SPTBN5: variants seen among roughly 807,000 people sequenced by gnomAD.
SPTBN5 encodes the protein spectrin beta chain, non-erythrocytic 5.
In SPTBN5, 513 loss-of-function variants were observed where a neutral mutation model predicts 477.6. The observed-to-expected ratio is 1.07, with a 90% CI of 1.00 to 1.16. The LOEUF (loss-of-function observed/expected upper bound fraction) is 1.16. Ranked by LOEUF, SPTBN5 falls within the 50% of genes most tolerant of loss-of-function variation. The pLI is 0.00. For synonymous variants in SPTBN5, 2,169 were observed against 2,011.7 expected, an observed-to-expected ratio of 1.08 and a Z score of -2.09; for missense variants, 5,062 against 4,731.8, an observed-to-expected ratio of 1.07 and a Z score of -2.05.
At chr15:41,886,470 C>T in intron 6 of SPTBN5, 104 bp from the exon 7 acceptor site, 1 of 1,318,280 alleles carries the variant, frequency 7.6e-7, no homozygotes, top group East Asian at 2.4e-5. Context: ...AGCTACTTCT[C>T]TGAGCCAAAG....
At chr15:41,873,754 A>G in intron 25 of SPTBN5, 91 bp downstream of exon 25, 1 of 1,548,344 alleles carries the variant, frequency 6.5e-7, no homozygotes, top group Non-Finnish European at 8.8e-7. Flanking sequence ...AGCCCCCACC[A>G]CTGATCCGCC....
Position 41,866,650 on chromosome 15 carries a change from C to T in SPTBN5, c.6481-157G>A, listed in dbSNP as rs543976152. 1.1e-4 allele frequency: 102 copies of T among 944,298 alleles called. 1 individual carries two copies. Among genetic ancestry groups the T allele is most frequent in the East Asian group, 4.9e-4 (17 of 34,584 alleles). 58.5% of individuals were successfully genotyped at this position (944,298 alleles called of 1,614,324 possible). A position where few individuals can be genotyped will look rare whatever the true frequency, so the allele number is the denominator to read the frequency against. ...TGAAGGTTCCAGCTCCGGAAGGTTG[C>T]TGCAGGAGGCAGCCGGGCAGGGCCT... On this transcript the variant is annotated intron_variant, in intron 36 of 67. Coordinates refer to ENST00000320955, the MANE Select transcript of SPTBN5 (RefSeq NM_016642.4).
At chr15:41,862,006 G>A (rs753369093) in intron 44 of SPTBN5, 83 bp from the exon 45 acceptor site, 141 of 1,531,052 alleles carry the variant, frequency 9.2e-5, no homozygotes, top group East Asian at 3.1e-4. Flanking sequence ...GCTGAGGAGC[G>A]GGAGGCTGGA....
rs2140962464 is a variant in SPTBN5, at chr15:41,883,227, T to C, written c.1661A>G (p.Glu554Gly). Residue 554 changes from glutamate to glycine, a missense_variant and splice_region_variant, in exon 9 of 68, where the codon GAG becomes GGG. Physicochemically the swap from Glu to Gly is moderately conservative, Grantham distance 98 (BLOSUM62 -2). Coordinates refer to ENST00000320955, the MANE Select transcript of SPTBN5 (RefSeq NM_016642.4). ...AASHQLEELQ[E>G]PARSTACGQQ... ...CCCACAGGCGGTGGACCTGGCCGGC[T>C]CCTGGCCAGAGATGATGGTCATTGC... 1 of 1,609,180 alleles carries C rather than the reference T, an allele frequency of 6.2e-7. No individual in the cohort carries two copies. Among genetic ancestry groups the C allele is most frequent in the South Asian group, 1.1e-5 (1 of 90,380 alleles).
In SPTBN5 at chr15:41,861,718, G is replaced by C; in HGVS notation, c.7737+17C>G. ...TCGGGGGGGCAAGATGCAGGCTGGG[G>C]ATGGGACTGTGCCTGCCTGTAGCTC... On this transcript the variant is annotated intron_variant, in intron 45 of 67. Transcript: ENST00000320955. The C allele has an allele frequency of 2.6e-6, 4 of 1,533,732 alleles. No individual in the cohort carries two copies. The highest frequency in any genetic ancestry group is 3.5e-6 in the Non-Finnish European group (4 of 1,143,034).
intron 47 of SPTBN5, 133 bp downstream of exon 47, chr15:41,860,453 C>CA: frequency 9.9e-7 from 1 of 1,005,054 alleles, no homozygotes; most frequent in South Asian, 3.8e-5. Flanking sequence ...GGACCCCCGG[C>CA]ATCTGACCTC....
chr15:41,872,618 T>C (rs1486163672), intron 26 of SPTBN5, among the ~76,000 whole-genome samples, 159 bp from the exon 27 acceptor site: 2 of 152,162 alleles, frequency 1.3e-5, no homozygotes, highest in Non-Finnish European at 2.9e-5. Flanking sequence ...CCAGCATCCA[T>C]CTACCCATTA....
chr15:41,876,575 C>T lies in SPTBN5; in HGVS notation c.3924G>A (p.Arg1308=), dbSNP rs771859015. Residue 1308 remains arginine, a synonymous_variant, in exon 20 of 68, where the codon AGG becomes AGA. Transcript: ENST00000320955. ...RLQGRSEQRR[R]QLLASLQLQE... ...GGAGCTGGAGGGAAGCCAGCAACTG[C>T]CTCCTCCTCTGCTCACTCCTCCCCT... The T allele has an allele frequency of 1.7e-5, 27 of 1,605,516 alleles. No individual in the cohort carries two copies. In the South Asian group the frequency reaches 2.6e-4, roughly 15 times the overall value.
In SPTBN5 at chr15:41,866,236, GGAGA is replaced by G. The variant is rs764005255; in HGVS notation, c.6631-11_6631-8del. On this transcript the variant is annotated splice_polypyrimidine_tract_variant and splice_region_variant and intron_variant, in intron 37 of 67. Coordinates refer to ENST00000320955, the MANE Select transcript of SPTBN5 (RefSeq NM_016642.4). ...CCAGGAGAGCCTCTCCCTTCTGGAG[GGAGA>G]GAGGGGACACAGGACATCTTGCCTG... 2.5e-6 allele frequency: 4 copies of G among 1,587,634 alleles called. No individual in the cohort carries two copies. The highest frequency in any genetic ancestry group is 3.4e-6 in the Non-Finnish European group (4 of 1,168,326).
chr15:41,880,105 C>A, intron 14 of SPTBN5, 55 bp downstream of exon 14: 2 of 1,530,356 alleles, frequency 1.3e-6, no homozygotes, highest in Non-Finnish European at 8.8e-7. Context: ...CAGCAGCAGA[C>A]CACAGGGAGG....
rs1450655191 is a variant in SPTBN5 at position 41,848,167 on chromosome 15, T to TATTA, written c.*445_*448dup. 1.9e-6 allele frequency: 1 copy of TATTA among 533,710 alleles called. No homozygotes were observed. 33.1% of individuals were successfully genotyped at this position (533,710 alleles called of 1,614,324 possible). A position where few individuals can be genotyped will look rare whatever the true frequency, so the allele number is the denominator to read the frequency against. ...AATGTGAGGCGCTGAGACCATCTGT[T>TATTA]ATTACTGCTGAGAAGGGCCATGTCA... On this transcript the variant is annotated 3_prime_UTR_variant, in exon 68 of 68. Transcript: ENST00000320955.
At chr15:41,882,514 G>T in intron 10 of SPTBN5, 45 bp from the exon 11 acceptor site, 2 of 1,572,420 alleles carry the variant, frequency 1.3e-6, no homozygotes, top group South Asian at 1.2e-5. Flanking sequence ...CAGAACAGGG[G>T]AGGGGGCCGG....
chr15:41,849,837 C>T (rs2065691446), intron 67 of SPTBN5, 32 bp downstream of exon 67: 3 of 1,529,072 alleles, frequency 2.0e-6, no homozygotes, highest in Non-Finnish European at 1.8e-6. Flanking sequence ...CCCAGGGCTC[C>T]CCGCCCTGCT....
rs748387353 is a variant in SPTBN5, at chr15:41,848,591, G to GTT, written c.*23_*24dup. On this transcript the variant is annotated 3_prime_UTR_variant, in exon 68 of 68. Transcript: ENST00000320955. ...ATGTGTCCTCGCTTGTGCCCCTGAA[G>GTT]TTTGGTGTTGCACTGGGGTTCACCT... The GTT allele has an allele frequency of 3.1e-6, 5 of 1,613,874 alleles. No homozygotes were observed. The South Asian group carries it at 5.5e-5, about 18-fold the overall frequency.
Position 41,865,795 on chromosome 15 carries a change from A to C in SPTBN5, c.6918+13T>G, listed in dbSNP as rs2066281565. 5 of 1,552,008 alleles carry C rather than the reference A, an allele frequency of 3.2e-6. No homozygotes were observed. Among genetic ancestry groups the C allele is most frequent in the Middle Eastern group, 2.0e-4 (1 of 5,016 alleles). ...GATGCATGGCCAACCTCTACCCAGC[A>C]AGGCCCTCTTACCCCGGCCGAGTTT... On this transcript the variant is annotated intron_variant, in intron 39 of 67. Coordinates refer to ENST00000320955, the MANE Select transcript of SPTBN5 (RefSeq NM_016642.4).
At chr15:41,887,643 G>C (rs966167320) in intron 5 of SPTBN5, among the ~76,000 whole-genome samples, 2 of 152,208 alleles carry the variant, frequency 1.3e-5, no homozygotes, top group African/African-American at 2.4e-5. Context: ...GGACCAGGCT[G>C]GGGGGCTGGA....
Position 41,876,295 on chromosome 15 carries a change from C to A in SPTBN5, c.3952-11G>T. On this transcript the variant is annotated splice_polypyrimidine_tract_variant and intron_variant, in intron 20 of 67. Transcript: ENST00000320955. ...ATCCTGCTTCCACTCCTGCCAAGAA[C>A]CAGGCGAGAGTGGGTCTCAGAGCAC... The A allele has an allele frequency of 6.5e-7, 1 of 1,544,396 alleles. No individual in the cohort carries two copies. The highest frequency in any genetic ancestry group is 8.7e-7 in the Non-Finnish European group (1 of 1,143,982).
At position 41,868,510 on chromosome 15, in the gene SPTBN5, A is replaced by C. The variant is rs746764870; in HGVS notation, c.5945T>G (p.Leu1982Arg). 6.2e-7 allele frequency: 1 copy of C among 1,610,476 alleles called. No homozygotes were observed. Among genetic ancestry groups the C allele is most frequent in the Non-Finnish European group, 8.5e-7 (1 of 1,179,756 alleles). Residue 1982 changes from leucine to arginine, a missense_variant, in exon 33 of 68, where the codon CTC becomes CGC. By Grantham distance (102) the Leu-to-Arg change is moderately radical (BLOSUM62 -2). Transcript: ENST00000320955. ...CGCCCGGAGCCACTGGTGGGCACTG[A>C]GCTTCAGCGGGCCACTGCTAGGCTC... ...SQEPSSGPLK[L>R]SAHQWLRAEL...
chr15:41,860,798 C>T (rs768424840), intron 46 of SPTBN5, 40 bp from the exon 47 acceptor site: 1 of 1,435,558 alleles, frequency 7.0e-7, no homozygotes, highest in South Asian at 1.6e-5. Flanking sequence ...CATGAGCCTC[C>T]CCCTCCCATC....
Sources: allele counts gnomAD v4.1 joint callset (sites outside exome capture counted in the v4.1 genomes callset), GRCh38; gene constraint gnomAD v4.1.1; transcripts MANE v1.5; gene names NCBI Gene and HGNC (gene_info 2026-07-23, HGNC 2026-07-21).